The following SOX5 variants were observed in gnomAD, a reference collection of about 807,000 sequenced individuals.
SOX5 encodes the protein transcription factor SOX-5.
In SOX5, 9 loss-of-function variants were observed where a neutral mutation model predicts 92.0. The ratio of observed to expected loss-of-function variants is 0.10; its 90% CI spans 0.06 to 0.17. SOX5 has a LOEUF of 0.17. SOX5 is among the 10% of genes least tolerant of loss of function. The pLI, the probability that SOX5 is intolerant of heterozygous loss-of-function variation, is 1.00. For synonymous variants in SOX5, 344 were observed against 336.3 expected (o/e 1.02, Z -0.25); for missense variants, 642 against 944.5 (o/e 0.68, Z 4.20).
rs939824061 is a variant in SOX5 at position 24,087,814 on chromosome 12, G to A, written c.-2+125529C>T. ...ATCTTCCTTTTAAAATATTGTTGGG[G>A]GTTAGTATTTTAAAATAAACCACTC... On this transcript the variant is annotated intron_variant, in intron 4 of 4. Coordinates refer to the SOX5 transcript ENST00000446891. 2.0e-5 allele frequency among the ~76,000 whole-genome samples: 3 copies of A among 151,676 alleles called. No individual in the cohort carries two copies. In the East Asian group the frequency reaches 5.8e-4, roughly 29 times the overall value.
chr12:23,798,533 GTTTACAT>G (rs1230118887), intron 3 of SOX5, among the ~76,000 whole-genome samples: 2 of 147,322 alleles, frequency 1.4e-5, no homozygotes, highest in Non-Finnish European at 3.0e-5. Flanking sequence ...GCAAATATAG[GTTTACAT>G]TTACACACAC....
chr12:23,663,873 G>T (rs1221520220), intron 7 of SOX5, among the ~76,000 whole-genome samples: 1 of 152,062 alleles, frequency 6.6e-6, no homozygotes, highest in Non-Finnish European at 1.5e-5. Flanking sequence ...GTCTGGATGA[G>T]TTGATAACCT....
At chr12:23,613,416 T>C (rs1246656275) in intron 8 of SOX5, among the ~76,000 whole-genome samples, 2 of 151,916 alleles carry the variant, frequency 1.3e-5, no homozygotes, top group Non-Finnish European at 2.9e-5. Context: ...CTGATGGGAC[T>C]GTGCAATGCT....
At chr12:24,381,913 G>C (rs990627888) in intron 1 of SOX5, among the ~76,000 whole-genome samples, 3 of 152,084 alleles carry the variant, frequency 2.0e-5, no homozygotes, top group Admixed American at 6.6e-5. Flanking sequence ...AATTCAAAAA[G>C]AAAACAATGT....
chr12:24,451,989 AG>A (rs1374368029), intron 1 of SOX5, among the ~76,000 whole-genome samples: 1 of 152,218 alleles, frequency 6.6e-6, no homozygotes, highest in African/African-American at 2.4e-5. Flanking sequence ...GAGACTTAAG[AG>A]TTTGCACACT....
chr12:23,988,872 C>G (rs1286345776), intron 4 of SOX5, among the ~76,000 whole-genome samples: 1 of 152,142 alleles, frequency 6.6e-6, no homozygotes, highest in African/African-American at 2.4e-5. Context: ...TACAGAGTCT[C>G]TTTTCCACCA....
chr12:23,844,151 A>G (rs1431099716), intron 3 of SOX5, among the ~76,000 whole-genome samples: 1 of 152,224 alleles, frequency 6.6e-6, no homozygotes, highest in Non-Finnish European at 1.5e-5. Context: ...AACACAACGT[A>G]CTGTGGAGTA....
intron 1 of SOX5, among the ~76,000 whole-genome samples, chr12:24,400,672 G>A (rs1359983196): frequency 6.6e-6 from 1 of 152,178 alleles, no homozygotes; most frequent in Non-Finnish European, 1.5e-5. Flanking sequence ...ATGCTTCAGT[G>A]TAATAGTCCT....
At chr12:24,249,964 G>T (rs1357290824) in intron 3 of SOX5, among the ~76,000 whole-genome samples, 1 of 152,086 alleles carries the variant, frequency 6.6e-6, no homozygotes, top group African/African-American at 2.4e-5. Context: ...CCACAAGAAA[G>T]CCCTGCTTTG....
chr12:23,589,581 A>G (rs1313942698), intron 9 of SOX5, among the ~76,000 whole-genome samples: 1 of 151,964 alleles, frequency 6.6e-6, no homozygotes, highest in Non-Finnish European at 1.5e-5. Flanking sequence ...TATTTAAAGC[A>G]CAGTAAGGGC....
At chr12:24,236,511 C>G (rs746097841) in intron 3 of SOX5, among the ~76,000 whole-genome samples, 40 of 152,194 alleles carry the variant, frequency 2.6e-4, no homozygotes, top group Admixed American at 5.2e-4. Context: ...GAAGCACAAA[C>G]AGCTAATTTC....
intron 4 of SOX5, among the ~76,000 whole-genome samples, chr12:24,172,541 G>GA (rs923404865): frequency 5.3e-5 from 8 of 151,824 alleles, no homozygotes; most frequent in African/African-American, 1.7e-4. Context: ...CCTGTCTTAA[G>GA]AAAAAAGAAA....
chr12:24,357,149 G>A (rs1595888999), intron 2 of SOX5, among the ~76,000 whole-genome samples: 2 of 152,166 alleles, frequency 1.3e-5, no homozygotes, highest in Admixed American at 1.3e-4. Flanking sequence ...GAGACTAATA[G>A]ATAAGTGGGG....
chr12:24,424,143 T>C (rs1423701498), intron 1 of SOX5, among the ~76,000 whole-genome samples: 3 of 152,118 alleles, frequency 2.0e-5, no homozygotes, highest in South Asian at 2.1e-4. Flanking sequence ...AAAATGAGCA[T>C]CTCCAAATTG....
chr12:24,519,199 C>A (rs1950058945), intron 1 of SOX5, among the ~76,000 whole-genome samples: 2 of 151,890 alleles, frequency 1.3e-5, no homozygotes, highest in South Asian at 2.1e-4. Flanking sequence ...TATATTTAAT[C>A]ATTCATTCAT....
chr12:24,045,414 CA>C (rs991274412), intron 4 of SOX5, among the ~76,000 whole-genome samples: 4 of 152,304 alleles, frequency 2.6e-5, no homozygotes, highest in African/African-American at 9.6e-5. Flanking sequence ...CCCTCCCACT[CA>C]GCCTCCCGAG....
intron 3 of SOX5, among the ~76,000 whole-genome samples, chr12:24,269,123 T>C (rs375907301): frequency 6.6e-6 from 1 of 152,194 alleles, no homozygotes. Flanking sequence ...TTGGGATTAT[T>C]TTCCTTTTTC....
At chr12:23,809,093 T>A (rs571291769) in intron 3 of SOX5, among the ~76,000 whole-genome samples, 1 of 152,246 alleles carries the variant, frequency 6.6e-6, no homozygotes, top group African/African-American at 2.4e-5. Flanking sequence ...ATTTGGTGTG[T>A]GTATGGGAGA....
chr12:23,938,450 T>G (rs959273003), intron 1 of SOX5, among the ~76,000 whole-genome samples: 3 of 151,078 alleles, frequency 2.0e-5, no homozygotes, highest in African/African-American at 7.3e-5. Context: ...AAAATGTTTG[T>G]ACAAAGAATA....
Sources: gnomAD v4.1 joint callset for allele counts (sites outside exome capture counted in the v4.1 genomes callset) on GRCh38, gnomAD v4.1.1 for gene constraint, MANE v1.5 for transcripts, NCBI Gene and HGNC (gene_info 2026-07-23, HGNC 2026-07-21) for gene names.